Variants in FRMPD4 observed in about 807,000 individuals in gnomAD.
FRMPD4 encodes FERM and PDZ domain-containing protein 4.
A neutral mutation model predicts 94.1 loss-of-function variants in FRMPD4; 22 were observed. The observed-to-expected ratio is 0.23, with a 90% CI of 0.17 to 0.33. The LOEUF is 0.33. FRMPD4 is among the 10% of genes least tolerant of loss of function. The pLI is 1.00. For missense variants in FRMPD4, 1,111 were observed against 1,339.9 expected (o/e 0.83, Z 2.67); for synonymous variants, 631 against 548.6 (o/e 1.15, Z -2.10).
intron 3 of FRMPD4, among the ~76,000 whole-genome samples, chrX:12,035,423 G>T (rs2054715588): frequency 8.9e-6 from 1 of 111,835 alleles, no homozygotes; most frequent in South Asian, 3.8e-4. Flanking sequence ...AACACTGGTT[G>T]TCTTAGACTC....
chrX:12,278,182 A>C (rs1328106136), intron 1 of FRMPD4, among the ~76,000 whole-genome samples: 3 of 112,061 alleles, frequency 2.7e-5, no homozygotes, highest in Non-Finnish European at 5.6e-5. Flanking sequence ...ACCTTTTCTC[A>C]ATAAATTTTT....
chrX:12,475,444 T>G (rs1213331389), intron 1 of FRMPD4, among the ~76,000 whole-genome samples: 4 of 111,340 alleles, frequency 3.6e-5, no homozygotes, highest in Non-Finnish European at 7.5e-5. Context: ...TTCAACATAG[T>G]GTTGGAAGTT....
intron 1 of FRMPD4, among the ~76,000 whole-genome samples, chrX:12,369,206 T>G (rs2056128249): frequency 9.0e-6 from 1 of 110,701 alleles, no homozygotes; most frequent in East Asian, 2.8e-4. Flanking sequence ...TCTTAAACTT[T>G]TATTTTAATT....
intron 1 of FRMPD4, among the ~76,000 whole-genome samples, chrX:12,331,326 G>A (rs1420949989): frequency 1.9e-5 from 2 of 104,044 alleles, no homozygotes; most frequent in Admixed American, 1.1e-4. Flanking sequence ...GTATCATGTC[G>A]ACATATTTCA....
At chrX:12,464,196 C>A (rs1336611577) in intron 1 of FRMPD4, among the ~76,000 whole-genome samples, 1 of 111,710 alleles carries the variant, frequency 9.0e-6, no homozygotes, top group Non-Finnish European at 1.9e-5. Context: ...CCCACCTGGA[C>A]TGAATTTAAG....
intron 1 of FRMPD4, among the ~76,000 whole-genome samples, chrX:12,400,100 G>A (rs901604750): frequency 1.8e-5 from 2 of 111,859 alleles, no homozygotes; most frequent in African/African-American, 3.2e-5. Flanking sequence ...GGAAAGTGAC[G>A]CAGGCATACT....
intron 1 of FRMPD4, among the ~76,000 whole-genome samples, chrX:12,331,223 C>G (rs1357252226): frequency 1.1e-5 from 1 of 93,277 alleles, no homozygotes; most frequent in Non-Finnish European, 2.0e-5. Flanking sequence ...TTCGGGATTT[C>G]GTTTTTTTTT....
At chrX:12,597,692 T>C (rs1262403629) in intron 2 of FRMPD4, among the ~76,000 whole-genome samples, 1 of 112,615 alleles carries the variant, frequency 8.9e-6, no homozygotes, top group Non-Finnish European at 1.9e-5. Context: ...TTCCACTTTT[T>C]CCATTGATAA....
At chrX:11,997,714 C>T (rs1480946732) in intron 3 of FRMPD4, among the ~76,000 whole-genome samples, 1 of 111,157 alleles carries the variant, frequency 9.0e-6, no homozygotes, top group Non-Finnish European at 1.9e-5. Flanking sequence ...CCAATTTGCA[C>T]AAACATATTT....
At chrX:11,942,133 A>C (rs1231108760) in intron 3 of FRMPD4, among the ~76,000 whole-genome samples, 1 of 111,432 alleles carries the variant, frequency 9.0e-6, no homozygotes, top group East Asian at 2.8e-4. Context: ...TTTTAGCATA[A>C]TTGTGTGCTA....
At chrX:11,823,203 CA>C (rs1345285959) in intron 1 of FRMPD4, among the ~76,000 whole-genome samples, 1 of 110,565 alleles carries the variant, frequency 9.0e-6, no homozygotes, top group Non-Finnish European at 1.9e-5. Context: ...ATTTAAGTTA[CA>C]TATTTGCTTG....
intron 4 of FRMPD4, among the ~76,000 whole-genome samples, chrX:12,644,050 C>A (rs943686116): frequency 1.8e-5 from 2 of 111,545 alleles, no homozygotes; most frequent in Non-Finnish European, 3.8e-5. Flanking sequence ...TAAGCATGAG[C>A]TAATTTTGAG....
chrX:12,456,561 A>G (rs1343484581), intron 1 of FRMPD4, among the ~76,000 whole-genome samples: 2 of 111,956 alleles, frequency 1.8e-5, no homozygotes, highest in Non-Finnish European at 3.8e-5. Flanking sequence ...TAAACACAGA[A>G]AGAAATCACC....
At chrX:12,662,286 T>C (rs2148488179) in intron 4 of FRMPD4, among the ~76,000 whole-genome samples, 1 of 110,669 alleles carries the variant, frequency 9.0e-6, no homozygotes, top group African/African-American at 3.3e-5. Flanking sequence ...CGTGCCATGG[T>C]GGTTTGCTGC....
chrX:12,543,987 CA>C (rs1206122545), intron 2 of FRMPD4, among the ~76,000 whole-genome samples: 3 of 105,783 alleles, frequency 2.8e-5, no homozygotes, highest in Admixed American at 2.1e-4. Flanking sequence ...ATTGCAGGGA[CA>C]AAAAACCAAA....
intron 3 of FRMPD4, among the ~76,000 whole-genome samples, chrX:11,883,842 G>A (rs2053828607): frequency 8.9e-6 from 1 of 112,260 alleles, no homozygotes; most frequent in South Asian, 3.7e-4. Flanking sequence ...GGTCTGACTT[G>A]AGATAATTCA....
intron 3 of FRMPD4, among the ~76,000 whole-genome samples, chrX:12,003,180 G>A (rs1037863550): frequency 7.2e-5 from 8 of 111,765 alleles, no homozygotes; most frequent in Admixed American, 9.5e-5. Context: ...AGCCTGGTAG[G>A]GGAAGAGAGT....
intron 2 of FRMPD4, among the ~76,000 whole-genome samples, chrX:12,598,571 G>T (rs2059055031): frequency 9.0e-6 from 1 of 111,727 alleles, no homozygotes; most frequent in African/African-American, 3.3e-5. Context: ...AATGCTGCTG[G>T]TGGGGTTGAG....
At chrX:12,046,059 T>C (rs1482938732) in intron 3 of FRMPD4, among the ~76,000 whole-genome samples, 1 of 111,078 alleles carries the variant, frequency 9.0e-6, no homozygotes, top group Non-Finnish European at 1.9e-5. Context: ...TTCTAAACCT[T>C]TATGATAAAG....
Sources: gnomAD v4.1 joint callset for allele counts (sites outside exome capture counted in the v4.1 genomes callset) on GRCh38, gnomAD v4.1.1 for gene constraint, MANE v1.5 for transcripts, NCBI Gene and HGNC (gene_info 2026-07-23, HGNC 2026-07-21) for gene names.